PSMD1: variants seen among roughly 807,000 people sequenced by gnomAD.
The protein encoded by PSMD1 is 26S proteasome non-ATPase regulatory subunit 1.
A neutral mutation model predicts 119.0 loss-of-function variants in PSMD1; 18 were observed. The observed-to-expected ratio is 0.15, with a 90% CI of 0.10 to 0.22. PSMD1 has a LOEUF of 0.22. PSMD1 is among the 10% of genes least tolerant of loss of function. The probability of loss-of-function intolerance (pLI) is 1.00; values close to 1 mark genes in which losing one functional copy is unlikely to be tolerated. For synonymous variants in PSMD1, 374 were observed against 396.6 expected (o/e 0.94, Z 0.68); for missense variants, 702 against 1,158.5 (o/e 0.61, Z 5.72).
intron 16 of PSMD1, among the ~76,000 whole-genome samples, chr2:231,134,953 T>C (rs1302220377): frequency 6.6e-6 from 1 of 151,830 alleles, no homozygotes; most frequent in African/African-American, 2.4e-5. Context: ...TTTAACTCTC[T>C]TTGTCTCTTA....
chr2:231,156,373 A>C (rs1199233249), intron 19 of PSMD1, among the ~76,000 whole-genome samples: 1 of 152,140 alleles, frequency 6.6e-6, no homozygotes, highest in African/African-American at 2.4e-5. Flanking sequence ...CCTAGTTTAC[A>C]TTAGAGTTCA....
intron 16 of PSMD1, among the ~76,000 whole-genome samples, chr2:231,134,134 A>C (rs971218168): frequency 2.0e-5 from 3 of 152,354 alleles, no homozygotes; most frequent in African/African-American, 7.2e-5. Context: ...ACTGCTGCCT[A>C]TTATATTATA....
At chr2:231,062,349 TA>T in intron 3 of PSMD1, 28 bp downstream of exon 3, 1 of 1,560,938 alleles carries the variant, frequency 6.4e-7, no homozygotes, top group Non-Finnish European at 8.8e-7. Context: ...TAAATCAGAA[TA>T]AGATGGATCA....
intron 15 of PSMD1, among the ~76,000 whole-genome samples, chr2:231,086,381 G>T (rs995704349): frequency 6.6e-6 from 1 of 152,192 alleles, no homozygotes; most frequent in Non-Finnish European, 1.5e-5. Flanking sequence ...CTGGGGCCGG[G>T]CATGGTGGCG....
intron 17 of PSMD1, among the ~76,000 whole-genome samples, chr2:231,144,252 CTTT>C (rs113617018): frequency 2.9e-5 from 4 of 136,632 alleles, no homozygotes; most frequent in African/African-American, 2.7e-5. Flanking sequence ...GGTTTGTTTC[CTTT>C]TTTTTTTTTT....
chr2:231,141,552 G>A (rs950475774), intron 17 of PSMD1, among the ~76,000 whole-genome samples: 1 of 151,126 alleles, frequency 6.6e-6, no homozygotes, highest in Non-Finnish European at 1.5e-5. Flanking sequence ...AATTAGCTGG[G>A]ACTGCAAACG....
At chr2:231,166,750 C>G (rs1180982641) in intron 23 of PSMD1, among the ~76,000 whole-genome samples, 2 of 152,146 alleles carry the variant, frequency 1.3e-5, no homozygotes, top group African/African-American at 4.8e-5. Flanking sequence ...GTCAGAGATT[C>G]GATTTCTAGA....
At chr2:231,082,734 C>T in intron 12 of PSMD1, 149 bp from the exon 13 acceptor site, 1 of 604,044 alleles carries the variant, frequency 1.7e-6, no homozygotes, top group African/African-American at 1.9e-5. Flanking sequence ...CTGAGTTTAT[C>T]ACTGACCTTT....
intron 16 of PSMD1, among the ~76,000 whole-genome samples, chr2:231,136,252 G>A (rs2125245516): frequency 6.6e-6 from 1 of 152,260 alleles, no homozygotes; most frequent in Middle Eastern, 3.4e-3. Flanking sequence ...AGAAAGTAGG[G>A]CAGGACCTCC....
intron 6 of PSMD1, among the ~76,000 whole-genome samples, chr2:231,070,805 G>T (rs543920749): frequency 6.6e-6 from 1 of 152,068 alleles, no homozygotes; most frequent in Admixed American, 6.5e-5. Flanking sequence ...GTGTGCATGG[G>T]TTTACTTTTT....
intron 16 of PSMD1, among the ~76,000 whole-genome samples, chr2:231,101,227 C>T (rs982822050): frequency 3.0e-4 from 46 of 152,158 alleles, no homozygotes; most frequent in African/African-American, 1.0e-3. Context: ...TGTCTGGAGA[C>T]AGGAATAAAC....
chr2:231,161,768 A>T (rs1191685301), intron 20 of PSMD1, among the ~76,000 whole-genome samples: 1 of 152,208 alleles, frequency 6.6e-6, no homozygotes, highest in South Asian at 2.1e-4. Flanking sequence ...CTAAATATAA[A>T]CATACGAAGA....
Position 231,056,902 on chromosome 2 carries a change from C to G in PSMD1, c.-124C>G. ...GAAGCGAGCCGGCGGCCTGAGGAGGCGACTGACTGAGCAGCGCACCCGGGG... is the reference window on the plus strand; with the variant it reads ...GAAGCGAGCCGGCGGCCTGAGGAGGGGACTGACTGAGCAGCGCACCCGGGG... On this transcript the variant is annotated 5_prime_UTR_variant, in exon 1 of 25. Coordinates refer to ENST00000308696, the MANE Select transcript of PSMD1 (RefSeq NM_002807.4). 1 of 1,338,862 alleles carries G rather than the reference C, an allele frequency of 7.5e-7. No homozygotes were observed. The highest frequency in any genetic ancestry group is 1.3e-5 in the South Asian group (1 of 79,480). 82.9% of individuals were successfully genotyped at this position (1,338,862 alleles called of 1,614,324 possible). A position where few individuals can be genotyped will look rare whatever the true frequency, so the allele number is the denominator to read the frequency against.
intron 16 of PSMD1, among the ~76,000 whole-genome samples, chr2:231,093,263 A>T (rs1420019030): frequency 6.6e-6 from 1 of 152,200 alleles, no homozygotes; most frequent in African/African-American, 2.4e-5. Context: ...AGAAGGGTTA[A>T]TACCCTATGA....
At chr2:231,121,308 A>G (rs556756091) in intron 16 of PSMD1, among the ~76,000 whole-genome samples, 9 of 152,302 alleles carry the variant, frequency 5.9e-5, no homozygotes, top group African/African-American at 1.2e-4. Context: ...GCAGAGGATC[A>G]CTTGAACCCA....
At chr2:231,136,813 C>T (rs1695974653) in intron 16 of PSMD1, among the ~76,000 whole-genome samples, 1 of 151,560 alleles carries the variant, frequency 6.6e-6, no homozygotes, top group Non-Finnish European at 1.5e-5. Context: ...TTCAAAGTCA[C>T]TTTATGTCTG....
rs115712552 is a variant in PSMD1, at chr2:231,150,425, G to A, written c.2116-3139G>A. Reference sequence around the variant, plus strand: ...ATACACATATATAGACATATATATAGAGACATATAGAGACATATATATATG... The same window carrying A: ...ATACACATATATAGACATATATATAAAGACATATAGAGACATATATATATG... On this transcript the variant is annotated intron_variant, in intron 18 of 24. Coordinates refer to ENST00000308696, the MANE Select transcript of PSMD1 (RefSeq NM_002807.4). Among the ~76,000 whole-genome samples, 1,001 of 151,006 alleles carry A rather than the reference G, an allele frequency of 6.6e-3. 19 individuals carry two copies. The highest frequency in any genetic ancestry group is 0.023 in the African/African-American group (963 of 41,232).
chr2:231,129,876 C>T (rs1559243740), intron 16 of PSMD1, among the ~76,000 whole-genome samples: 2 of 152,222 alleles, frequency 1.3e-5, no homozygotes, highest in Admixed American at 6.5e-5. Context: ...GTTTTCGAGA[C>T]GGAGTCTCAC....
At position 231,138,814 on chromosome 2, in the gene PSMD1, G is replaced by C. The variant is rs759751622; in HGVS notation, c.1962G>C (p.Met654Ile). 3.1e-6 allele frequency: 5 copies of C among 1,614,112 alleles called. No individual in the cohort carries two copies. In the Admixed American group the frequency reaches 8.3e-5, roughly 27 times the overall value. ...CTCATGTGCGCTACGGAGCTGCAATGGCCTTGGGGATATGCTGTGCTGGTA... is the reference window on the plus strand; with the variant it reads ...CTCATGTGCGCTACGGAGCTGCAATCGCCTTGGGGATATGCTGTGCTGGTA... ...YNPHVRYGAAMALGICCAGTG... is the reference protein window; with the variant it reads ...YNPHVRYGAAIALGICCAGTG... Residue 654 changes from methionine to isoleucine, a missense_variant, in exon 17 of 25, where the codon ATG becomes ATC. Physicochemically the swap from Met to Ile is conservative, Grantham distance 10. Transcript: ENST00000308696.
Sources: gnomAD v4.1 joint callset for allele counts (sites outside exome capture counted in the v4.1 genomes callset) on GRCh38, gnomAD v4.1.1 for gene constraint, MANE v1.5 for transcripts, NCBI Gene and HGNC (gene_info 2026-07-23, HGNC 2026-07-21) for gene names.